Variants in NT5C2 observed in about 807,000 individuals in gnomAD.
NT5C2 encodes the protein 5'-nucleotidase, cytosolic II.
A neutral mutation model predicts 76.1 loss-of-function variants in NT5C2; 58 were observed. That is an observed-to-expected ratio of 0.76 (90% CI 0.62 to 0.95). The LOEUF is 0.95. NT5C2 is among the 40% of genes least tolerant of loss of function. The pLI, the probability that NT5C2 is intolerant of heterozygous loss-of-function variation, is 0.00. For missense variants in NT5C2, 478 were observed against 690.3 expected (o/e 0.69, Z 3.45); for synonymous variants, 229 against 237.4 (o/e 0.96, Z 0.32).
chr10:103,133,693 A>G (rs1375117545), intron 4 of NT5C2, among the ~76,000 whole-genome samples: 6 of 152,238 alleles, frequency 3.9e-5, no homozygotes, highest in Non-Finnish European at 8.8e-5. Flanking sequence ...TGTGGAAGCA[A>G]CTTTGGAACT....
chr10:103,099,159 A>G (rs551250747), intron 9 of NT5C2, among the ~76,000 whole-genome samples, 175 bp from the exon 10 acceptor site: 1 of 151,932 alleles, frequency 6.6e-6, no homozygotes, highest in South Asian at 2.1e-4. Flanking sequence ...TGCAGCCTCG[A>G]CCTCCCCAGG....
intron 4 of NT5C2, among the ~76,000 whole-genome samples, chr10:103,119,815 G>C (rs914391333): frequency 6.6e-6 from 1 of 151,882 alleles, no homozygotes; most frequent in African/African-American, 2.4e-5. Context: ...AAAAAAAAAG[G>C]CGTGGCCAGT....
intron 3 of NT5C2, among the ~76,000 whole-genome samples, chr10:103,145,255 A>G (rs939174456): frequency 2.6e-5 from 4 of 152,214 alleles, no homozygotes; most frequent in Non-Finnish European, 5.9e-5. Flanking sequence ...GCCTTAAAGC[A>G]TGAAATACCA....
In NT5C2 at chr10:103,128,120, T is replaced by G. The variant is rs1038230336; in HGVS notation, c.175+11286A>C. On this transcript the variant is annotated intron_variant, in intron 4 of 18. Transcript: ENST00000404739. Reference sequence around the variant, plus strand: ...CCCTCTCCCCACGGTCTCCCTCTCATGCGGAGCCGAAGCTGGACTGTACTG... The same window carrying G: ...CCCTCTCCCCACGGTCTCCCTCTCAGGCGGAGCCGAAGCTGGACTGTACTG... Among the ~76,000 whole-genome samples, 4 of 144,730 alleles carry G rather than the reference T, an allele frequency of 2.8e-5. No homozygotes were observed. In the Admixed American group the frequency reaches 2.8e-4, roughly 10 times the overall value. The allele number at this position is 144,730 out of a possible 152,430, so 94.9% of individuals were successfully genotyped here.
rs149574185 is a variant in NT5C2 at position 103,147,914 on chromosome 10, C to T, written c.102-8435G>A. Among the ~76,000 whole-genome samples, 649 of 152,158 alleles carry T rather than the reference C, an allele frequency of 4.3e-3. 22 individuals are homozygous for T. The highest frequency in any genetic ancestry group is 0.035 in the Admixed American group (538 of 15,264). The stretch of plus-strand genomic sequence containing the variant: ...AGATAGCGGTATTGGTTGCACAACT[C>T]TGTGAATATACTAAAATGATCAAAT... On this transcript the variant is annotated intron_variant, in intron 3 of 18. Transcript: ENST00000404739.
chr10:103,188,735 C>T (rs539925551), intron 1 of NT5C2, among the ~76,000 whole-genome samples: 84 of 152,282 alleles, frequency 5.5e-4, no homozygotes, highest in African/African-American at 1.9e-3. Context: ...GGCGCAGTGG[C>T]TTATGCCTAT....
chr10:103,107,613 C>T (rs2071656381), intron 4 of NT5C2, among the ~76,000 whole-genome samples: 1 of 151,496 alleles, frequency 6.6e-6, no homozygotes, highest in Non-Finnish European at 1.5e-5. Context: ...GCAGAGGTTG[C>T]AGTGAACTGA....
chr10:103,105,847 C>A, intron 5 of NT5C2, 46 bp from the exon 6 acceptor site: 1 of 1,321,328 alleles, frequency 7.6e-7, no homozygotes, highest in Non-Finnish European at 1.1e-6. Context: ...GTAATACAGG[C>A]AATAATTTTA....
intron 4 of NT5C2, among the ~76,000 whole-genome samples, chr10:103,116,358 T>G (rs990565921): frequency 6.6e-6 from 1 of 152,184 alleles, no homozygotes; most frequent in Non-Finnish European, 1.5e-5. Flanking sequence ...ATCAGAAAGT[T>G]TTAACATTGT....
chr10:103,157,443 T>C (rs551571452), intron 3 of NT5C2, among the ~76,000 whole-genome samples: 3 of 152,300 alleles, frequency 2.0e-5, no homozygotes, highest in Admixed American at 1.3e-4. Flanking sequence ...GGGCTTTCAC[T>C]GTGGAACAAG....
intron 3 of NT5C2, among the ~76,000 whole-genome samples, chr10:103,173,788 TA>T (rs1211605672): frequency 4.2e-5 from 6 of 142,496 alleles, no homozygotes; most frequent in Admixed American, 3.5e-4. Context: ...AGTAAATAAA[TA>T]AAAAATACAA....
intron 3 of NT5C2, among the ~76,000 whole-genome samples, chr10:103,173,756 C>T (rs2088974310): frequency 6.7e-6 from 1 of 149,420 alleles, no homozygotes; most frequent in Non-Finnish European, 1.5e-5. Flanking sequence ...GAAACCCTGT[C>T]ACTACTAAAA....
intron 4 of NT5C2, among the ~76,000 whole-genome samples, chr10:103,129,349 G>C (rs1255759373): frequency 8.3e-6 from 1 of 120,420 alleles, no homozygotes; most frequent in Non-Finnish European, 1.8e-5. Flanking sequence ...GAGGGAGGTG[G>C]GGGGGTCAGC....
At chr10:103,100,332 T>G (rs537810747) in intron 8 of NT5C2, among the ~76,000 whole-genome samples, 2 of 152,330 alleles carry the variant, frequency 1.3e-5, no homozygotes, top group African/African-American at 4.8e-5. Context: ...GAAGAAACAT[T>G]TAAAACTTAA....
Position 103,088,630 on chromosome 10 carries a change from G to A in NT5C2, c.*1042C>T, listed in dbSNP as rs757595265. 2.6e-4 allele frequency: 43 copies of A among 165,976 alleles called. No homozygotes were observed. Among genetic ancestry groups the A allele is most frequent in the Non-Finnish European group, 3.9e-4 (30 of 76,074 alleles). 10.3% of individuals were successfully genotyped at this position (165,976 alleles called of 1,614,324 possible). On this transcript the variant is annotated 3_prime_UTR_variant, in exon 19 of 19. Transcript: ENST00000404739. The stretch of plus-strand genomic sequence containing the variant: ...TCGAACTCCCGACCTCAGGTGATCC[G>A]CCTGTCTCGGCCTCCCAAAGTGCTG...
intron 3 of NT5C2, among the ~76,000 whole-genome samples, chr10:103,145,182 C>G (rs2081262325): frequency 6.6e-6 from 1 of 152,140 alleles, no homozygotes; most frequent in Non-Finnish European, 1.5e-5. Flanking sequence ...ATATATTCCA[C>G]AGTTTACAAA....
At chr10:103,119,563 C>A (rs1017588976) in intron 4 of NT5C2, among the ~76,000 whole-genome samples, 3 of 152,192 alleles carry the variant, frequency 2.0e-5, no homozygotes, top group African/African-American at 7.2e-5. Flanking sequence ...ATGAGAATTT[C>A]TTTGGTCTTT....
At chr10:103,130,785 A>T (rs566225880) in intron 4 of NT5C2, among the ~76,000 whole-genome samples, 1 of 152,084 alleles carries the variant, frequency 6.6e-6, no homozygotes, top group East Asian at 1.9e-4. Context: ...TTCTCAAAAC[A>T]TCATTATTCA....
chr10:103,111,032 T>C (rs2072882981), intron 4 of NT5C2, among the ~76,000 whole-genome samples: 1 of 152,186 alleles, frequency 6.6e-6, no homozygotes, highest in Non-Finnish European at 1.5e-5. Flanking sequence ...CAGATATTTA[T>C]AGGAAACCAC....
Sources: allele counts gnomAD v4.1 joint callset (sites outside exome capture counted in the v4.1 genomes callset), GRCh38; gene constraint gnomAD v4.1.1; transcripts MANE v1.5; gene names NCBI Gene and HGNC (gene_info 2026-07-23, HGNC 2026-07-21).